The following KIN variants were observed in gnomAD, a reference collection of about 807,000 sequenced individuals.
The protein encoded by KIN is Kin17 DNA and RNA binding protein.
In KIN, 47 loss-of-function variants were observed where a neutral mutation model predicts 63.0. That is an observed-to-expected ratio of 0.75 (90% CI 0.59 to 0.95). The LOEUF (loss-of-function observed/expected upper bound fraction) is 0.95. KIN is among the 40% of genes least tolerant of loss of function. The pLI, the probability that KIN is intolerant of heterozygous loss-of-function variation, is 0.00. For synonymous variants in KIN, 160 were observed against 157.7 expected, an observed-to-expected ratio of 1.01 and a Z score of -0.11; for missense variants, 408 against 460.9, an observed-to-expected ratio of 0.89 and a Z score of 1.05.
intron 7 of KIN, among the ~76,000 whole-genome samples, chr10:7,770,276 C>T (rs575489920): frequency 1.3e-5 from 2 of 152,282 alleles, no homozygotes; most frequent in African/African-American, 4.8e-5. Context: ...ACAACTGTCA[C>T]CATTGGCCCC....
At chr10:7,760,185 A>G (rs1835413024) in intron 11 of KIN, among the ~76,000 whole-genome samples, 195 bp from the exon 12 acceptor site, 1 of 152,160 alleles carries the variant, frequency 6.6e-6, no homozygotes, top group Non-Finnish European at 1.5e-5. Context: ...CGAACATTAT[A>G]AGACTTCTCA....
chr10:7,762,258 T>C (rs1178529099), intron 11 of KIN, among the ~76,000 whole-genome samples, 199 bp downstream of exon 11: 4 of 150,638 alleles, frequency 2.7e-5, no homozygotes, highest in African/African-American at 9.7e-5. Context: ...GAAAATCCAT[T>C]GATGCCACAA....
At chr10:7,772,866 A>C (rs894768010) in intron 7 of KIN, among the ~76,000 whole-genome samples, 16 of 152,250 alleles carry the variant, frequency 1.1e-4, no homozygotes, top group South Asian at 2.1e-4. Flanking sequence ...TCAGGTCCTT[A>C]TCCCTGAAAC....
rs1284623865 is a variant in KIN, at chr10:7,751,640, C to A, written c.*4440G>T. 1.3e-5 allele frequency: 2 copies of A among 152,102 alleles called. No individual in the cohort carries two copies. Among genetic ancestry groups the A allele is most frequent in the African/African-American group, 4.8e-5 (2 of 41,406 alleles). The allele number at this position is 152,102 out of a possible 1,614,324, so 9.4% of individuals were successfully genotyped here. A position where few individuals can be genotyped will look rare whatever the true frequency, so the allele number is the denominator to read the frequency against. On this transcript the variant is annotated 3_prime_UTR_variant, in exon 13 of 13. Transcript: ENST00000379562. ...TTTCTTCTTCTATAAGAAGTGCTCA[C>A]CTATGATACCCTTTTGAAAAACCTA...
intron 4 of KIN, 29 bp downstream of exon 4, chr10:7,780,027 A>G (rs957121599): frequency 1.3e-6 from 2 of 1,599,676 alleles, no homozygotes; most frequent in African/African-American, 1.3e-5. Flanking sequence ...AGTGGGAAAG[A>G]AAAAGCAACT....
In KIN at chr10:7,754,879, A is replaced by T. The variant is rs1241909332; in HGVS notation, c.*1201T>A. 6.6e-6 allele frequency: 1 copy of T among 152,144 alleles called. No individual in the cohort carries two copies. 9.4% of individuals were successfully genotyped at this position (152,144 alleles called of 1,614,324 possible). Reference sequence around the variant, plus strand: ...TTCGTTTTTCCTTTGGCACAGGCAAATGTGGGTTTCCTGTCTTTTGCATTC... The same window carrying T: ...TTCGTTTTTCCTTTGGCACAGGCAATTGTGGGTTTCCTGTCTTTTGCATTC... On this transcript the variant is annotated 3_prime_UTR_variant, in exon 13 of 13. Coordinates refer to ENST00000379562, the MANE Select transcript of KIN (RefSeq NM_012311.4).
intron 2 of KIN, 62 bp from the exon 3 acceptor site, chr10:7,780,369 T>G (rs1564324499): frequency 2.6e-5 from 36 of 1,399,426 alleles, no homozygotes; most frequent in Non-Finnish European, 3.3e-5. Context: ...ATCATCTTTT[T>G]GAAATTTAAG....
chr10:7,754,077 CACA>C lies in KIN; in HGVS notation c.*2000_*2002del, dbSNP rs759821304. 6 of 455,912 alleles carry C rather than the reference CACA, an allele frequency of 1.3e-5. No individual in the cohort carries two copies. Among genetic ancestry groups the C allele is most frequent in the Non-Finnish European group, 2.6e-5 (6 of 226,806 alleles). 28.2% of individuals were successfully genotyped at this position (455,912 alleles called of 1,614,324 possible). ...AGGCGTGGTAGCTCACACCTGTAAT[CACA>C]ACATTTTAGAAGGCCGAGGCAGGAG... On this transcript the variant is annotated 3_prime_UTR_variant, in exon 13 of 13. Coordinates refer to ENST00000379562, the MANE Select transcript of KIN (RefSeq NM_012311.4).
intron 2 of KIN, among the ~76,000 whole-genome samples, chr10:7,781,849 G>A (rs1038237581): frequency 6.6e-6 from 1 of 151,640 alleles, no homozygotes; most frequent in Admixed American, 6.6e-5. Flanking sequence ...CTGAGGTCAG[G>A]AGTTCAACAC....
At chr10:7,781,587 TACACACAC>T (rs3036327) in intron 2 of KIN, among the ~76,000 whole-genome samples, 3 of 140,626 alleles carry the variant, frequency 2.1e-5, no homozygotes, top group Admixed American at 7.1e-5. Context: ...ACCCTGTCTC[TACACACAC>T]ACACACACAC....
At chr10:7,768,243 G>C (rs1835591864) in intron 8 of KIN, among the ~76,000 whole-genome samples, 1 of 152,162 alleles carries the variant, frequency 6.6e-6, no homozygotes, top group African/African-American at 2.4e-5. Context: ...CACTAGGCCA[G>C]GTGCAGTGGC....
intron 7 of KIN, among the ~76,000 whole-genome samples, chr10:7,772,499 G>C (rs1835686743): frequency 6.6e-6 from 1 of 152,192 alleles, no homozygotes; most frequent in South Asian, 2.1e-4. Flanking sequence ...CAAGCAATAA[G>C]GGGGCTCATT....
intron 8 of KIN, among the ~76,000 whole-genome samples, chr10:7,766,650 T>A (rs1835548896): frequency 6.6e-6 from 1 of 152,088 alleles, no homozygotes; most frequent in African/African-American, 2.4e-5. Context: ...AATCTTTTTC[T>A]TTCTCAACTG....
chr10:7,774,763 A>G (rs1490849910), intron 7 of KIN, 68 bp downstream of exon 7: 19 of 1,238,710 alleles, frequency 1.5e-5, no homozygotes, highest in Non-Finnish European at 2.2e-5. Context: ...ACAATACTTT[A>G]AAATACAGTA....
chr10:7,769,317 T>G lies in KIN; in HGVS notation c.697A>C (p.Ile233Leu). The stretch of plus-strand genomic sequence containing the variant: ...CGTTTCACTGATGCTGAACTTCCTA[T>G]CGTCTTCAGTGCACTCGGTCCCAGA... ...STLGPSALKTIGSSASVKRKE... is the reference protein window; with the variant it reads ...STLGPSALKTLGSSASVKRKE... The change falls in exon 8 of 13, where the codon ATA becomes CTA. Residue 233 changes from isoleucine (I) to leucine (L), a missense_variant. Physicochemically the swap from Ile to Leu is conservative, Grantham distance 5. Around this residue, in one of 2 missense-constraint regions of KIN, gnomAD observed 298 missense variants for 296.0 expected, o/e 1.01. Transcript: ENST00000379562. 1 of 1,614,002 alleles carries G rather than the reference T, an allele frequency of 6.2e-7. No individual in the cohort carries two copies. The highest frequency in any genetic ancestry group is 8.5e-7 in the Non-Finnish European group (1 of 1,179,930).
rs149840087 is a variant in KIN at position 7,762,257 on chromosome 10, T to C, written c.1018+200A>G. On this transcript the variant is annotated intron_variant, in intron 11 of 12. Coordinates refer to ENST00000379562, the MANE Select transcript of KIN (RefSeq NM_012311.4). The stretch of plus-strand genomic sequence containing the variant: ...AAGTATTCCAGGAAAGGAAAATCCA[T>C]TGATGCCACAAAACAGCTTCATCAG... Among the ~76,000 whole-genome samples, 231 of 150,636 alleles carry C rather than the reference T, an allele frequency of 1.5e-3. 1 individual carries two copies. Among genetic ancestry groups the C allele is most frequent in the African/African-American group, 4.5e-3 (184 of 41,212 alleles).
chr10:7,757,531 TAAATAAAATTA>T (rs951870580), intron 12 of KIN, among the ~76,000 whole-genome samples: 4 of 150,942 alleles, frequency 2.7e-5, no homozygotes, highest in Admixed American at 2.0e-4. Context: ...AAAATTAAAT[TAAATAAAATTA>T]AAATTAAATT....
chr10:7,756,731 G>A (rs1410137442), intron 12 of KIN, among the ~76,000 whole-genome samples: 4 of 149,056 alleles, frequency 2.7e-5, no homozygotes, highest in African/African-American at 9.9e-5. Context: ...TCCATTTGGG[G>A]TTTTCTTTTT....
At position 7,754,166 on chromosome 10, in the gene KIN, C is replaced by A. The variant is rs77382085; in HGVS notation, c.*1914G>T. 1,315 of 444,032 alleles carry A rather than the reference C, an allele frequency of 3.0e-3. 13 individuals carry two copies. The highest frequency in any genetic ancestry group is 0.025 in the African/African-American group (1,218 of 49,498). The allele number at this position is 444,032 out of a possible 1,614,324, so 27.5% of individuals were successfully genotyped here. ...GCAACATAGCAAGACCTCATCTCTA[C>A]TAAAAATCAAAAAAATTAGCCAGGC... On this transcript the variant is annotated 3_prime_UTR_variant, in exon 13 of 13. Transcript: ENST00000379562.
Sources: gnomAD v4.1 joint callset for allele counts (sites outside exome capture counted in the v4.1 genomes callset) on GRCh38, gnomAD v4.1.1 for gene constraint, gnomAD v4.1.1 regional missense constraint, MANE v1.5 for transcripts, NCBI Gene and HGNC (gene_info 2026-07-23, HGNC 2026-07-21) for gene names.